The following HSPA4L variants were observed in gnomAD, a reference collection of about 807,000 sequenced individuals.
HSPA4L encodes the protein heat shock 70 kDa protein 4L.
HSPA4L carries 48 observed loss-of-function variants against 100.3 expected under a neutral mutation model. That is an observed-to-expected ratio of 0.48 (90% confidence interval 0.38 to 0.61). The LOEUF (loss-of-function observed/expected upper bound fraction) is 0.61, where lower values mean the gene tolerates loss of function less well. Ranked by LOEUF, HSPA4L falls within the 20% of genes least tolerant of loss-of-function variation. The pLI is 0.00. For synonymous variants in HSPA4L, 319 were observed against 328.2 expected (o/e 0.97, Z 0.30); for missense variants, 886 against 988.6 (o/e 0.90, Z 1.39).
chr4:127,826,849 G>A (rs1733961893), intron 16 of HSPA4L, among the ~76,000 whole-genome samples: 1 of 152,008 alleles, frequency 6.6e-6, no homozygotes, highest in African/African-American at 2.4e-5. Flanking sequence ...ACATTTTACT[G>A]ATTAAATGTA....
intron 11 of HSPA4L, chr4:127,809,050 CT>C (rs1733448064): frequency 7.8e-6 from 4 of 514,152 alleles, no homozygotes; most frequent in Non-Finnish European, 1.4e-5. Context: ...ATGACTATTA[CT>C]GGATTAATAT....
intron 1 of HSPA4L, chr4:127,783,765 G>A: frequency 8.6e-7 from 1 of 1,162,696 alleles, no homozygotes; most frequent in South Asian, 1.4e-5. Flanking sequence ...GTGTCCAATG[G>A]TCTTTAAATG....
At chr4:127,804,818 A>G (rs542576662) in intron 8 of HSPA4L, among the ~76,000 whole-genome samples, 1 of 152,188 alleles carries the variant, frequency 6.6e-6, no homozygotes, top group South Asian at 2.1e-4. Flanking sequence ...GACTCTGAAG[A>G]GCTCCTTTAA....
chr4:127,799,055 T>C (rs1733101907), intron 4 of HSPA4L, among the ~76,000 whole-genome samples: 1 of 152,168 alleles, frequency 6.6e-6, no homozygotes, highest in African/African-American at 2.4e-5. Flanking sequence ...GTTGGGAATT[T>C]GAGGTTGTGT....
intron 11 of HSPA4L, among the ~76,000 whole-genome samples, chr4:127,809,912 T>G (rs930864567): frequency 6.6e-6 from 1 of 152,222 alleles, no homozygotes; most frequent in African/African-American, 2.4e-5. Flanking sequence ...TTTATAGGAT[T>G]GGTGTCAGTG....
intron 4 of HSPA4L, among the ~76,000 whole-genome samples, chr4:127,800,364 G>A (rs1203833925): frequency 1.3e-5 from 2 of 151,932 alleles, no homozygotes; most frequent in Non-Finnish European, 2.9e-5. Context: ...GCTACTCAGG[G>A]GGCTGAAGCA....
At chr4:127,811,735 G>C in intron 12 of HSPA4L, 99 bp downstream of exon 12, 1 of 876,204 alleles carries the variant, frequency 1.1e-6, no homozygotes, top group Non-Finnish European at 1.7e-6. Flanking sequence ...ATTACTCTCT[G>C]AGGTTTTGCT....
In HSPA4L at chr4:127,818,948, A is replaced by T. The variant is rs183213766; in HGVS notation, c.1674+528A>T. Among the ~76,000 whole-genome samples the T allele has an allele frequency of 2.9e-3, 446 of 152,092 alleles. 3 individuals are homozygous for T. The highest frequency in any genetic ancestry group is 0.01 in the Middle Eastern group (3 of 292). ...TAAAATTGCCTGAATTCTTTACCTTATTTCCTTAATTCATTATTTCTCATG... is the reference window on the plus strand; with the variant it reads ...TAAAATTGCCTGAATTCTTTACCTTTTTTCCTTAATTCATTATTTCTCATG... On this transcript the variant is annotated intron_variant, in intron 13 of 18. Coordinates refer to ENST00000296464, the MANE Select transcript of HSPA4L (RefSeq NM_014278.4).
intron 1 of HSPA4L, among the ~76,000 whole-genome samples, chr4:127,787,765 T>C (rs1463127492): frequency 6.6e-6 from 1 of 152,100 alleles, no homozygotes; most frequent in Non-Finnish European, 1.5e-5. Flanking sequence ...TACCTTTGCT[T>C]TTTTTAAATC....
At chr4:127,809,492 A>T in intron 11 of HSPA4L, 1 of 1,010,276 alleles carries the variant, frequency 9.9e-7, no homozygotes, top group Non-Finnish European at 1.6e-6. Context: ...AATATTTGTG[A>T]TGGAAAAGAG....
At chr4:127,793,895 C>T (rs1469222387) in intron 1 of HSPA4L, among the ~76,000 whole-genome samples, 182 bp from the exon 2 acceptor site, 1 of 152,108 alleles carries the variant, frequency 6.6e-6, no homozygotes, top group Admixed American at 6.5e-5. Context: ...AACATTTATT[C>T]TGACCACCAT....
intron 16 of HSPA4L, among the ~76,000 whole-genome samples, chr4:127,823,931 A>G (rs1308317927): frequency 6.6e-6 from 1 of 152,210 alleles, no homozygotes; most frequent in Non-Finnish European, 1.5e-5. Flanking sequence ...TGTGGTTACC[A>G]TGATGTACAA....
rs948875165 is a variant in HSPA4L, at chr4:127,838,515, G to A, written c.*5641G>A. On this transcript the variant is annotated 3_prime_UTR_variant, in exon 19 of 19. Coordinates refer to ENST00000296464, the MANE Select transcript of HSPA4L (RefSeq NM_014278.4). Reference sequence around the variant, plus strand: ...AAATCCATAACAAAAAAAATTAATAGTATGCTCTTTGCTTTGGAATCTCTA... The same window carrying A: ...AAATCCATAACAAAAAAAATTAATAATATGCTCTTTGCTTTGGAATCTCTA... 6.6e-6 allele frequency: 1 copy of A among 152,164 alleles called. No individual in the cohort carries two copies. Among genetic ancestry groups the A allele is most frequent in the African/African-American group, 2.4e-5 (1 of 41,428 alleles). The allele number at this position is 152,164 out of a possible 1,614,324, so 9.4% of individuals were successfully genotyped here. A position where few individuals can be genotyped will look rare whatever the true frequency, so the allele number is the denominator to read the frequency against.
chr4:127,813,654 T>C (rs765959227), intron 12 of HSPA4L, among the ~76,000 whole-genome samples: 8 of 152,236 alleles, frequency 5.3e-5, no homozygotes, highest in Admixed American at 2.0e-4. Context: ...TTTTTTGTTG[T>C]TGTTGTTTGA....
intron 12 of HSPA4L, among the ~76,000 whole-genome samples, chr4:127,812,418 A>AC (rs201507893): frequency 0.013 from 2,039 of 151,634 alleles, 35 homozygotes; most frequent in Admixed American, 0.047. Flanking sequence ...CAAAAAAAAA[A>AC]AACAAAAAAA....
chr4:127,811,749 A>AT, intron 12 of HSPA4L, 113 bp downstream of exon 12: 1 of 764,980 alleles, frequency 1.3e-6, no homozygotes, highest in Admixed American at 2.7e-5. Flanking sequence ...TTTTGCTTTG[A>AT]TTTTCTGCTG....
Position 127,793,607 on chromosome 4 carries a change from T to C in HSPA4L, c.108-470T>C, listed in dbSNP as rs186514046. 2.5e-3 allele frequency among the ~76,000 whole-genome samples: 387 copies of C among 152,362 alleles called. 4 individuals carry two copies. The highest frequency in any genetic ancestry group is 0.019 in the East Asian group (101 of 5,186). On this transcript the variant is annotated intron_variant, in intron 1 of 18. Coordinates refer to ENST00000296464, the MANE Select transcript of HSPA4L (RefSeq NM_014278.4). Reference sequence around the variant, plus strand: ...TGTGCCAATTATTGTTCAAAGCATTTACCTATATCCATTCTCTTAATTCTC... The same window carrying C: ...TGTGCCAATTATTGTTCAAAGCATTCACCTATATCCATTCTCTTAATTCTC...
At chr4:127,830,301 G>C (rs1437975365) in intron 17 of HSPA4L, among the ~76,000 whole-genome samples, 1 of 152,104 alleles carries the variant, frequency 6.6e-6, no homozygotes, top group Non-Finnish European at 1.5e-5. Context: ...TTTGTGTCTA[G>C]TTTGCTATAT....
intron 1 of HSPA4L, among the ~76,000 whole-genome samples, chr4:127,792,590 A>G (rs1350730817): frequency 6.6e-6 from 1 of 152,210 alleles, no homozygotes; most frequent in Non-Finnish European, 1.5e-5. Flanking sequence ...TACTAGCACC[A>G]CATGGCTTGT....
Sources: allele counts gnomAD v4.1 joint callset (sites outside exome capture counted in the v4.1 genomes callset), GRCh38; gene constraint gnomAD v4.1.1; transcripts MANE v1.5; gene names NCBI Gene and HGNC (gene_info 2026-07-23, HGNC 2026-07-21).